The following RABGAP1L variants were observed in gnomAD, a reference collection of about 807,000 sequenced individuals.
RABGAP1L encodes the protein RAB GTPase activating protein 1 like.
A neutral mutation model predicts 137.7 loss-of-function variants in RABGAP1L; 63 were observed. The observed-to-expected ratio is 0.46, with a 90% CI of 0.37 to 0.56. The LOEUF is 0.56. Among genes scored for constraint, RABGAP1L ranks in the 20% least tolerant of loss-of-function variants. RABGAP1L has a pLI of 0.00. For synonymous variants in RABGAP1L, 431 were observed against 433.7 expected, an observed-to-expected ratio of 0.99 and a Z score of 0.08; for missense variants, 1,095 against 1,244.0, an observed-to-expected ratio of 0.88 and a Z score of 1.80.
chr1:174,542,325 G>A (rs571395245), intron 13 of RABGAP1L, among the ~76,000 whole-genome samples: 21 of 152,192 alleles, frequency 1.4e-4, no homozygotes, highest in African/African-American at 9.6e-5. Context: ...GTCTTCGGAG[G>A]GTGTATGTGT....
intron 11 of RABGAP1L, chr1:174,367,720 C>A: frequency 5.5e-6 from 1 of 182,878 alleles, no homozygotes; most frequent in Non-Finnish European, 1.2e-5. Flanking sequence ...ATTCCTTTTC[C>A]AATTCCAGAT....
chr1:174,165,447 G>T (rs1396221498), intron 1 of RABGAP1L, among the ~76,000 whole-genome samples: 1 of 151,870 alleles, frequency 6.6e-6, no homozygotes, highest in Non-Finnish European at 1.5e-5. Flanking sequence ...ACCGTGCCCG[G>T]TCTACTTTTA....
intron 13 of RABGAP1L, among the ~76,000 whole-genome samples, chr1:174,605,586 A>G (rs1670729610): frequency 6.6e-6 from 1 of 152,102 alleles, no homozygotes; most frequent in Non-Finnish European, 1.5e-5. Flanking sequence ...TTTAATTGAA[A>G]TCTCTGTTGT....
chr1:174,987,126 G>A lies in RABGAP1L; in HGVS notation c.2806-1515G>A, dbSNP rs1183209485. Among the ~76,000 whole-genome samples, 3 of 152,290 alleles carry A rather than the reference G, an allele frequency of 2.0e-5. No individual in the cohort carries two copies. The East Asian group carries it at 5.8e-4, about 29-fold the overall frequency. ...TGAGTACTGAGAAGGTGACCCCTAG[G>A]GATTTGGCCTGGAATGGCAAGAGCT... On this transcript the variant is annotated intron_variant, in intron 24 of 25. Transcript: ENST00000681986.
rs549078224 is a variant in RABGAP1L at position 174,774,925 on chromosome 1, G to A, written c.2211+22571G>A. 8.5e-5 allele frequency among the ~76,000 whole-genome samples: 13 copies of A among 152,204 alleles called. No individual in the cohort carries two copies. In the East Asian group the frequency reaches 2.5e-3, roughly 29 times the overall value. On this transcript the variant is annotated intron_variant, in intron 18 of 25. Transcript: ENST00000681986. ...AAAGTATAATGGCTTGAAAAAGATG[G>A]TGTATTTCTCCCACAGATATTAATC...
At chr1:174,449,232 A>G in intron 13 of RABGAP1L, 2 of 1,513,604 alleles carry the variant, frequency 1.3e-6, no homozygotes. Flanking sequence ...GTAATCTGAC[A>G]GTGGTTTTGG....
intron 19 of RABGAP1L, among the ~76,000 whole-genome samples, chr1:174,894,942 A>G (rs1054720406): frequency 1.3e-5 from 2 of 152,094 alleles, no homozygotes; most frequent in African/African-American, 4.8e-5. Context: ...TTTTTAGTAG[A>G]GACGAGATTT....
At chr1:174,460,900 G>A (rs1294617612) in intron 13 of RABGAP1L, among the ~76,000 whole-genome samples, 1 of 152,050 alleles carries the variant, frequency 6.6e-6, no homozygotes, top group Non-Finnish European at 1.5e-5. Flanking sequence ...GAATTAGGAT[G>A]GATCTGCTGA....
intron 1 of RABGAP1L, among the ~76,000 whole-genome samples, chr1:174,217,703 G>A (rs897998824): frequency 2.0e-5 from 3 of 152,128 alleles, no homozygotes; most frequent in African/African-American, 7.2e-5. Flanking sequence ...AAGGAAGGGT[G>A]TTAACATGCA....
intron 19 of RABGAP1L, among the ~76,000 whole-genome samples, chr1:174,856,397 T>TAAAAAAA (rs150232187): frequency 8.7e-6 from 1 of 115,218 alleles, no homozygotes; most frequent in African/African-American, 2.7e-5. Flanking sequence ...TCCCTCTCAA[T>TAAAAAAA]AAAAAAAAAA....
chr1:174,366,403 A>G (rs1372606004), intron 11 of RABGAP1L, among the ~76,000 whole-genome samples: 2 of 152,136 alleles, frequency 1.3e-5, no homozygotes, highest in Non-Finnish European at 2.9e-5. Context: ...AACTTTGTAA[A>G]TATGCATTTA....
chr1:174,629,706 G>C (rs960626398), intron 13 of RABGAP1L, among the ~76,000 whole-genome samples: 3 of 152,024 alleles, frequency 2.0e-5, no homozygotes, highest in African/African-American at 7.2e-5. Flanking sequence ...GTATTTTTTA[G>C]TAGAGACTGG....
At chr1:174,772,545 G>C (rs1345169747) in intron 18 of RABGAP1L, among the ~76,000 whole-genome samples, 1 of 142,100 alleles carries the variant, frequency 7.0e-6, no homozygotes, top group African/African-American at 2.7e-5. Context: ...TCCAGCCTGG[G>C]CAACAGAGCA....
intron 22 of RABGAP1L, among the ~76,000 whole-genome samples, chr1:174,978,402 T>G (rs2149381554): frequency 6.6e-6 from 1 of 152,302 alleles, no homozygotes; most frequent in South Asian, 2.1e-4. Flanking sequence ...AGACTATAAA[T>G]AAGGAGGCCT....
intron 7 of RABGAP1L, among the ~76,000 whole-genome samples, chr1:174,259,212 C>A (rs1673373943): frequency 6.6e-6 from 1 of 151,988 alleles, no homozygotes; most frequent in South Asian, 2.1e-4. Flanking sequence ...TCTGTCTTGA[C>A]CCTTTTGATA....
At chr1:174,783,654 T>C (rs193106010) in intron 18 of RABGAP1L, among the ~76,000 whole-genome samples, 3 of 152,248 alleles carry the variant, frequency 2.0e-5, no homozygotes, top group Admixed American at 2.0e-4. Context: ...CTGTTGATAA[T>C]TGAGAGGTTA....
At chr1:174,573,089 G>A (rs1198227875) in intron 13 of RABGAP1L, among the ~76,000 whole-genome samples, 2 of 151,990 alleles carry the variant, frequency 1.3e-5, no homozygotes, top group Non-Finnish European at 2.9e-5. Flanking sequence ...CACTTAGCTA[G>A]TATTTTTAAA....
chr1:174,619,984 C>T (rs1025257171), intron 13 of RABGAP1L, among the ~76,000 whole-genome samples: 4 of 152,098 alleles, frequency 2.6e-5, no homozygotes, highest in Non-Finnish European at 4.4e-5. Flanking sequence ...GTACGGGTTG[C>T]AATCCTAGTC....
intron 19 of RABGAP1L, among the ~76,000 whole-genome samples, chr1:174,828,496 A>G (rs1691808247): frequency 6.8e-6 from 1 of 148,052 alleles, no homozygotes; most frequent in Admixed American, 6.8e-5. Flanking sequence ...TGCCTGGAGA[A>G]GGCAGAGGCT....
Sources: allele counts gnomAD v4.1 joint callset (sites outside exome capture counted in the v4.1 genomes callset), GRCh38; gene constraint gnomAD v4.1.1; transcripts MANE v1.5; gene names NCBI Gene and HGNC (gene_info 2026-07-23, HGNC 2026-07-21).